FBF1: variants seen among roughly 807,000 people sequenced by gnomAD.
FBF1 encodes Fas binding factor 1, also known as fas-binding factor 1.
In FBF1, 119 loss-of-function variants were observed where a neutral mutation model predicts 147.2. The ratio of observed to expected loss-of-function variants is 0.81; its 90% CI spans 0.70 to 0.94. FBF1 has a LOEUF of 0.94. Among genes scored for constraint, FBF1 ranks in the 40% least tolerant of loss-of-function variants. The probability of loss-of-function intolerance (pLI) is 0.00; values close to 1 mark genes in which losing one functional copy is unlikely to be tolerated. For missense variants in FBF1, 1,449 were observed against 1,500.8 expected, an observed-to-expected ratio of 0.97 and a Z score of 0.57; for synonymous variants, 601 against 609.0, an observed-to-expected ratio of 0.99 and a Z score of 0.19.
chr17:75,926,084 C>T lies in FBF1; in HGVS notation c.814G>A (p.Gly272Ser). Residue 272 changes from glycine (G) to serine (S), a missense_variant, in exon 12 of 30, where the codon GGC becomes AGC. Transcript: ENST00000636174. ...TTGAACTCCCTGTGCTCCCCGGTGC[C>T]CGGGCGGGCCAGGAGTTTGGTGGCC... is the stretch of plus-strand genomic sequence containing the variant. ...GMATKLLARPGTGEHREFKLD... is the reference protein window; with the variant it reads ...GMATKLLARPSTGEHREFKLD... 1 of 1,612,572 alleles carries T rather than the reference C, an allele frequency of 6.2e-7. No homozygotes were observed. Among genetic ancestry groups the T allele is most frequent in the Non-Finnish European group, 8.5e-7 (1 of 1,179,812 alleles).
In FBF1 at chr17:75,919,836, C is replaced by T. The variant is rs764601669; in HGVS notation, c.1970G>A (p.Arg657Gln). 2.9e-5 allele frequency: 46 copies of T among 1,613,770 alleles called. No homozygotes were observed. The highest frequency in any genetic ancestry group is 1.6e-4 in the Middle Eastern group (1 of 6,084). Reference protein sequence around the residue: ...IKVLETSYQQREERLRRENEE... With the variant: ...IKVLETSYQQQEERLRRENEE... ...GTTCTCTCTCCGGAGCCGCTCCTCC[C>T]GTTGCTGGTACGATGTTTCTAGCAC... Residue 657 changes from arginine to glutamine, a missense_variant, in exon 20 of 30, where the codon CGG becomes CAG. Arg to Gln is a conservative substitution (Grantham distance 43). Coordinates refer to ENST00000636174, the MANE Select transcript of FBF1 (RefSeq NM_001319193.2). The surrounding 1 kb of genome is among the most constrained non-coding windows in gnomAD (Gnocchi z 5.0).
Position 75,914,248 on chromosome 17 carries a change from C to T in FBF1, c.2865G>A (p.Lys955=). ...GGGCTGCTCTCTCCGCTGCCAGCTG[C>T]TTCTCCTCGGCCCGGAGCTCGCTGG... is the stretch of plus-strand genomic sequence containing the variant. ...IRASELRAEE[K]QLAAERAALE... is the part of the protein sequence containing the mutation. Residue 955 remains lysine (K), a synonymous_variant, in exon 26 of 30, where the codon AAG becomes AAA. Coordinates refer to ENST00000636174, the MANE Select transcript of FBF1 (RefSeq NM_001319193.2). 1 of 1,594,190 alleles carries T rather than the reference C, an allele frequency of 6.3e-7. No homozygotes were observed. Among genetic ancestry groups the T allele is most frequent in the Non-Finnish European group, 8.5e-7 (1 of 1,172,952 alleles).
chr17:75,935,558 C>G (rs1311104903), intron 4 of FBF1, 74 bp downstream of exon 4: 1 of 1,447,806 alleles, frequency 6.9e-7, no homozygotes, highest in Non-Finnish European at 9.3e-7. Flanking sequence ...TTGGGACCAG[C>G]CTGGGCAACA....
chr17:75,939,220 TAGG>T lies in FBF1; in HGVS notation c.-83-991_-83-989del, dbSNP rs1298682025. On this transcript the variant is annotated intron_variant, in intron 1 of 29. Transcript: ENST00000636174. ...CTGAGGCAGGAGACTAGGTTGAACC[TAGG>T]AGGAGAAGGTTGCAGTGAGCCGAGA... Among the ~76,000 whole-genome samples the T allele has an allele frequency of 9.1e-5, 13 of 142,370 alleles. No homozygotes were observed. In the East Asian group the frequency reaches 1.7e-3, roughly 18 times the overall value. The allele number at this position is 142,370 out of a possible 152,430, so 93.4% of individuals were successfully genotyped here.
chr17:75,929,980 G>A lies in FBF1; in HGVS notation c.279+17C>T. On this transcript the variant is annotated intron_variant, in intron 7 of 29. Coordinates refer to ENST00000636174, the MANE Select transcript of FBF1 (RefSeq NM_001319193.2). ...ACCCACCCCCAGTTCTAAGAATCGT[G>A]CAAGCTGTTTCCTTACCTTCATGGC... The A allele has an allele frequency of 2.0e-6, 2 of 1,024,390 alleles. No individual in the cohort carries two copies. Among genetic ancestry groups the A allele is most frequent in the African/African-American group, 1.9e-5 (1 of 51,324 alleles). 63.5% of individuals were successfully genotyped at this position (1,024,390 alleles called of 1,614,324 possible).
Position 75,925,412 on chromosome 17 carries a change from G to A in FBF1, c.903C>T (p.Thr301=), listed in dbSNP as rs1351961941. ...CCACAGTGGGCTGATAGGCTCCAAA[G>A]GTGAAGTCCTCGTCACCCCACATAT... ...SEDMWGDEDF[T]FGAYQPTVVS... The change falls in exon 13 of 30, where the codon ACC becomes ACT. Residue 301 remains threonine, a synonymous_variant. Coordinates refer to ENST00000636174, the MANE Select transcript of FBF1 (RefSeq NM_001319193.2). The surrounding 1 kb of genome is among the most constrained non-coding windows in gnomAD (Gnocchi z 5.0). 3.1e-6 allele frequency: 5 copies of A among 1,613,746 alleles called. No homozygotes were observed. Among genetic ancestry groups the A allele is most frequent in the Non-Finnish European group, 4.2e-6 (5 of 1,179,838 alleles).
Position 75,928,284 on chromosome 17 carries a change from T to A in FBF1, c.280-91A>T. On this transcript the variant is annotated intron_variant, in intron 7 of 29. Coordinates refer to ENST00000636174, the MANE Select transcript of FBF1 (RefSeq NM_001319193.2). This position sits in a 1 kb window ranked among gnomAD's most constrained non-coding sequence, Gnocchi z 4.2. ...AGAGATGGGCTGTTGGCACCCCAGG[T>A]GTAGAATTGTGAGAAAACAAAGGAA... is the stretch of plus-strand genomic sequence containing the variant. 2 of 932,582 alleles carry A rather than the reference T, an allele frequency of 2.1e-6. No homozygotes were observed. Among genetic ancestry groups the A allele is most frequent in the Non-Finnish European group, 3.4e-6 (2 of 592,002 alleles). The allele number at this position is 932,582 out of a possible 1,614,324, so 57.8% of individuals were successfully genotyped here.
chr17:75,917,882 G>A (rs1400108438), intron 22 of FBF1, 32 bp from the exon 23 acceptor site: 1 of 1,440,842 alleles, frequency 6.9e-7, no homozygotes, highest in Non-Finnish European at 9.1e-7. Flanking sequence ...CTCAGCAGCT[G>A]CTCCCCCTTC....
intron 4 of FBF1, among the ~76,000 whole-genome samples, chr17:75,933,367 T>C (rs1191483986): frequency 1.3e-5 from 2 of 151,924 alleles, no homozygotes; most frequent in Non-Finnish European, 2.9e-5. Context: ...TGAGGAACAA[T>C]TGCTTTTCCA....
At chr17:75,931,936 C>T (rs1379214054) in intron 5 of FBF1, among the ~76,000 whole-genome samples, 1 of 152,104 alleles carries the variant, frequency 6.6e-6, no homozygotes, top group East Asian at 1.9e-4. Context: ...CTGATCTAGG[C>T]CAATCCTTTA....
chr17:75,938,462 A>G (rs1308745984), intron 1 of FBF1, among the ~76,000 whole-genome samples: 1 of 150,522 alleles, frequency 6.6e-6, no homozygotes, highest in Non-Finnish European at 1.5e-5. Flanking sequence ...AGGCTGAGGC[A>G]AGAGACTCGT....
Position 75,931,210 on chromosome 17 carries a change from G to A in FBF1, c.228+19C>T, listed in dbSNP as rs1387896056. The A allele has an allele frequency of 6.4e-7, 1 of 1,565,842 alleles. No homozygotes were observed. On this transcript the variant is annotated intron_variant, in intron 6 of 29. Transcript: ENST00000636174. The stretch of plus-strand genomic sequence containing the variant: ...TTCTGGGGATAAGTAGGGAGGTGGA[G>A]GGAAACAGCCAGGCTCACCTCAGCA...
intron 29 of FBF1, among the ~76,000 whole-genome samples, 190 bp downstream of exon 29, chr17:75,912,002 T>G (rs1009690815): frequency 1.3e-5 from 2 of 152,220 alleles, no homozygotes; most frequent in African/African-American, 4.8e-5. Flanking sequence ...AGATGACATA[T>G]GCAAATTGCT....
chr17:75,916,309 C>A (rs116063622), intron 23 of FBF1, among the ~76,000 whole-genome samples: 5,295 of 146,034 alleles, frequency 0.036, 138 homozygotes, highest in Non-Finnish European at 0.055. Context: ...GACAGTGAGA[C>A]CCCATCTCTA....
Position 75,920,331 on chromosome 17 carries a change from A to G in FBF1, c.1773T>C (p.Ala591=). ...AAQVQLQCSP[A]ELQAELLHSQ... is the part of the protein sequence containing the mutation. ...TATGCAGCAGCTCGGCCTGGAGCTCAGCGGGGCTGCACTGAAGTTGCACCT... is the reference window on the plus strand; with the variant it reads ...TATGCAGCAGCTCGGCCTGGAGCTCGGCGGGGCTGCACTGAAGTTGCACCT... Residue 591 remains alanine (A), a synonymous_variant, in exon 18 of 30, where the codon GCT becomes GCC. Coordinates refer to ENST00000636174, the MANE Select transcript of FBF1 (RefSeq NM_001319193.2). 1 of 1,610,698 alleles carries G rather than the reference A, an allele frequency of 6.2e-7. No individual in the cohort carries two copies. The highest frequency in any genetic ancestry group is 1.1e-5 in the South Asian group (1 of 90,604).
At chr17:75,934,307 T>C (rs942927966) in intron 4 of FBF1, among the ~76,000 whole-genome samples, 1 of 152,214 alleles carries the variant, frequency 6.6e-6, no homozygotes, top group African/African-American at 2.4e-5. Context: ...AGCTCATGCC[T>C]GTAATCCCAA....
At chr17:75,926,654 G>A (rs141852920) in intron 10 of FBF1, 104 bp downstream of exon 10, 2 of 1,501,790 alleles carry the variant, frequency 1.3e-6, no homozygotes, top group African/African-American at 2.8e-5. Flanking sequence ...TAGACCTCTG[G>A]TCCCCACCTG....
chr17:75,920,014 C>T lies in FBF1; in HGVS notation c.1924G>A (p.Ala642Thr). The T allele has an allele frequency of 6.2e-7, 1 of 1,607,162 alleles. No homozygotes were observed. The highest frequency in any genetic ancestry group is 1.1e-5 in the South Asian group (1 of 90,384). The change falls in exon 19 of 30, where the codon GCA (alanine) becomes ACA (threonine). Residue 642 changes from alanine to threonine, a missense_variant. Transcript: ENST00000636174. ...GGGCCAGCGCCAGGGTACCTGTGTG[C>T]ACTCTCGATGAGCTCCAGGTCTGCC... ...HQADLELIES[A>T]HRSRIKVLET... is the part of the protein sequence containing the mutation.
rs8068377 is a variant in FBF1, at chr17:75,925,304, C to A, written c.968+43G>T. 9.8e-6 allele frequency: 15 copies of A among 1,530,434 alleles called. No individual in the cohort carries two copies. In the East Asian group the frequency reaches 2.9e-4, roughly 30 times the overall value. The allele number at this position is 1,530,434 out of a possible 1,614,324, so 94.8% of individuals were successfully genotyped here. A position where few individuals can be genotyped will look rare whatever the true frequency, so the allele number is the denominator to read the frequency against. ...TGCAGGGGCCTGTCTTCCCAGTGGCCGACCTGTCTCAAGAGGCCAAGCCTC... is the reference window on the plus strand; with the variant it reads ...TGCAGGGGCCTGTCTTCCCAGTGGCAGACCTGTCTCAAGAGGCCAAGCCTC... On this transcript the variant is annotated intron_variant, in intron 13 of 29. Coordinates refer to ENST00000636174, the MANE Select transcript of FBF1 (RefSeq NM_001319193.2). This position sits in a 1 kb window ranked among gnomAD's most constrained non-coding sequence, Gnocchi z 5.0.
Sources: gnomAD v4.1 joint callset for allele counts (sites outside exome capture counted in the v4.1 genomes callset) on GRCh38, gnomAD v4.1.1 for gene constraint, Gnocchi (gnomAD v3.1) non-coding constraint, MANE v1.5 for transcripts, NCBI Gene and HGNC (gene_info 2026-07-23, HGNC 2026-07-21) for gene names.